The following LYAR variants were observed in gnomAD, a reference collection of about 807,000 sequenced individuals.
The protein encoded by LYAR is Ly1 antibody reactive.
A neutral mutation model predicts 45.2 loss-of-function variants in LYAR; 37 were observed. The observed-to-expected ratio is 0.82, with a 90% CI of 0.63 to 1.08. The LOEUF is 1.08. Ranked by LOEUF, LYAR falls within the 50% of genes least tolerant of loss-of-function variation. The pLI is 0.00. For synonymous variants in LYAR, 176 were observed against 155.1 expected (o/e 1.14, Z -1.00); for missense variants, 493 against 451.0 (o/e 1.09, Z -0.84).
intron 8 of LYAR, among the ~76,000 whole-genome samples, chr4:4,269,393 C>T (rs1334695560): frequency 6.6e-6 from 1 of 152,190 alleles, no homozygotes; most frequent in Non-Finnish European, 1.5e-5. Flanking sequence ...CCCACCCGCA[C>T]CAGCAAAAGC....
At chr4:4,268,089 T>G in intron 9 of LYAR, 66 bp from the exon 10 acceptor site, 1 of 1,372,538 alleles carries the variant, frequency 7.3e-7, no homozygotes, top group Non-Finnish European at 9.6e-7. Flanking sequence ...TGTTCTGTCT[T>G]TAACCCAGAA....
chr4:4,283,021 G>C (rs1314388597), intron 3 of LYAR, among the ~76,000 whole-genome samples: 1 of 152,184 alleles, frequency 6.6e-6, no homozygotes, highest in Non-Finnish European at 1.5e-5. Flanking sequence ...TTAGTTCCCT[G>C]GGTCTGTAAA....
intron 6 of LYAR, among the ~76,000 whole-genome samples, chr4:4,278,065 G>A (rs1012467910): frequency 1.4e-4 from 21 of 152,140 alleles, no homozygotes; most frequent in African/African-American, 4.8e-4. Context: ...CTAAAACCCT[G>A]CAGTTGAAGC....
chr4:4,281,084 A>C (rs937609867), intron 4 of LYAR, among the ~76,000 whole-genome samples: 2 of 152,230 alleles, frequency 1.3e-5, no homozygotes, highest in Non-Finnish European at 2.9e-5. Context: ...CATTGACGAA[A>C]GTATCTTTAT....
chr4:4,281,778 G>A lies in LYAR; in HGVS notation c.237+5C>T, dbSNP rs1298245220. 1.2e-5 allele frequency: 20 copies of A among 1,608,684 alleles called. No individual in the cohort carries two copies. Among genetic ancestry groups the A allele is most frequent in the Admixed American group, 5.0e-5 (3 of 60,002 alleles). The stretch of plus-strand genomic sequence containing the variant: ...AAGCTACTCAATGAGTTAGAGAGAC[G>A]TTACCTGAATCCACGCCTGCTGTTT... On this transcript the variant is annotated splice_donor_5th_base_variant and intron_variant, in intron 4 of 9. Coordinates refer to ENST00000343470, the MANE Select transcript of LYAR (RefSeq NM_017816.3).
intron 6 of LYAR, among the ~76,000 whole-genome samples, chr4:4,278,186 CT>C (rs1719263964): frequency 1.3e-5 from 2 of 152,210 alleles, no homozygotes; most frequent in African/African-American, 4.8e-5. Flanking sequence ...CAATTTGTAC[CT>C]TCTGAAAGAG....
chr4:4,276,515 C>T (rs1719183434), intron 6 of LYAR, among the ~76,000 whole-genome samples: 1 of 149,228 alleles, frequency 6.7e-6, no homozygotes, highest in Non-Finnish European at 1.5e-5. Context: ...TGCACTCCAG[C>T]CTGGGTGACA....
intron 7 of LYAR, 100 bp downstream of exon 7, chr4:4,274,267 C>T (rs1719081139): frequency 3.9e-6 from 5 of 1,291,400 alleles, no homozygotes; most frequent in East Asian, 2.3e-5. Flanking sequence ...AAACCACACA[C>T]ACACGCACAC....
intron 6 of LYAR, 125 bp downstream of exon 6, chr4:4,279,322 A>G: frequency 1.5e-6 from 1 of 649,600 alleles, no homozygotes; most frequent in Non-Finnish European, 2.7e-6. Flanking sequence ...ACAGAGTAAG[A>G]CTCCATCTCA....
chr4:4,283,228 G>A (rs972566870), intron 3 of LYAR, among the ~76,000 whole-genome samples: 4 of 152,166 alleles, frequency 2.6e-5, no homozygotes, highest in African/African-American at 4.8e-5. Flanking sequence ...TCGGCTCACC[G>A]CAACCTCTGC....
intron 1 of LYAR, among the ~76,000 whole-genome samples, chr4:4,286,941 G>A (rs556038149): frequency 2.6e-5 from 4 of 152,258 alleles, no homozygotes; most frequent in Middle Eastern, 3.4e-3. Context: ...GTGAGCCACC[G>A]CGCCCGGCCT....
chr4:4,273,078 G>T (rs1224294196), intron 8 of LYAR, among the ~76,000 whole-genome samples: 1 of 152,206 alleles, frequency 6.6e-6, no homozygotes, highest in South Asian at 2.1e-4. Context: ...CACAGTTCAG[G>T]GGACTTCTAA....
chr4:4,289,752 C>T (rs1171078591), intron 1 of LYAR: 1 of 152,322 alleles, frequency 6.6e-6, no homozygotes, highest in Non-Finnish European at 1.5e-5. Flanking sequence ...CTGTCTCCAA[C>T]ATGCAGCAAG....
chr4:4,271,841 G>C (rs1718948426), intron 8 of LYAR, among the ~76,000 whole-genome samples: 1 of 152,176 alleles, frequency 6.6e-6, no homozygotes, highest in South Asian at 2.1e-4. Flanking sequence ...AAACCACCCA[G>C]GTGTCCCTCC....
chr4:4,274,215 C>G, intron 7 of LYAR, 152 bp downstream of exon 7: 1 of 872,420 alleles, frequency 1.1e-6, no homozygotes, highest in Non-Finnish European at 1.8e-6. Flanking sequence ...CCAGCCTGGG[C>G]AACAGAGCAA....
chr4:4,284,264 G>T (rs55885868), intron 2 of LYAR, among the ~76,000 whole-genome samples: 8,611 of 152,180 alleles, frequency 0.057, 282 homozygotes, highest in Non-Finnish European at 0.076. Context: ...CTTATAGAAG[G>T]CATTGCAATT....
At chr4:4,287,900 G>A (rs1370003601) in intron 1 of LYAR, among the ~76,000 whole-genome samples, 2 of 152,198 alleles carry the variant, frequency 1.3e-5, no homozygotes. Context: ...TCACAGGAGA[G>A]GCTGTCAGGG....
At position 4,281,664 on chromosome 4, in the gene LYAR, G is replaced by A. The variant is rs1317612639; in HGVS notation, c.237+119C>T. Reference sequence around the variant, plus strand: ...GTTTTAGTTCAACCTGTCTATCCTAGGACATGAGGTTTCCAGAGCTTGTCT... The same window carrying A: ...GTTTTAGTTCAACCTGTCTATCCTAAGACATGAGGTTTCCAGAGCTTGTCT... On this transcript the variant is annotated intron_variant, in intron 4 of 9. Coordinates refer to ENST00000343470, the MANE Select transcript of LYAR (RefSeq NM_017816.3). The A allele has an allele frequency of 1.5e-5, 11 of 755,588 alleles. No individual in the cohort carries two copies. In the East Asian group the frequency reaches 2.5e-4, roughly 17 times the overall value. 46.8% of individuals were successfully genotyped at this position (755,588 alleles called of 1,614,324 possible).
chr4:4,289,776 C>T (rs191889455), intron 1 of LYAR: 2 of 152,412 alleles, frequency 1.3e-5, no homozygotes, highest in Admixed American at 1.3e-4. Flanking sequence ...GAAGCCCAGT[C>T]GGGCGGTGAC....
Sources: gnomAD v4.1 joint callset for allele counts (sites outside exome capture counted in the v4.1 genomes callset) on GRCh38, gnomAD v4.1.1 for gene constraint, MANE v1.5 for transcripts, NCBI Gene and HGNC (gene_info 2026-07-23, HGNC 2026-07-21) for gene names.